Variants in MAJIN observed in about 807,000 individuals in gnomAD.
MAJIN encodes the protein membrane-anchored junction protein.
In MAJIN, 27 loss-of-function variants were observed where a neutral mutation model predicts 30.2. The observed-to-expected ratio is 0.89, with a 90% CI of 0.66 to 1.23. MAJIN has a LOEUF of 1.23. Ranked by LOEUF, MAJIN falls within the 50% of genes most tolerant of loss-of-function variation. The pLI is 0.00. For synonymous variants in MAJIN, 78 were observed against 91.6 expected (o/e 0.85, Z 0.85); for missense variants, 253 against 260.3 (o/e 0.97, Z 0.19).
At chr11:64,959,506 T>C (rs550954072) in intron 2 of MAJIN, 84 bp from the exon 3 acceptor site, 2 of 1,022,396 alleles carry the variant, frequency 2.0e-6, no homozygotes, top group East Asian at 2.5e-5. Flanking sequence ...ATCTGTAACA[T>C]CTCTTCATGA....
At chr11:64,965,814 G>C (rs1945797926) in intron 1 of MAJIN, among the ~76,000 whole-genome samples, 1 of 152,178 alleles carries the variant, frequency 6.6e-6, no homozygotes, top group Middle Eastern at 3.4e-3. Flanking sequence ...AAATTAGCCA[G>C]GCGTGGTGGC....
At chr11:64,947,735 A>C in intron 7 of MAJIN, 53 bp downstream of exon 7, 1 of 1,576,146 alleles carries the variant, frequency 6.3e-7, no homozygotes, top group South Asian at 1.1e-5. Flanking sequence ...ACTTTTTGGA[A>C]AAAAGAAGGT....
At chr11:64,970,271 G>T (rs1945877059) in intron 1 of MAJIN, among the ~76,000 whole-genome samples, 1 of 150,798 alleles carries the variant, frequency 6.6e-6, no homozygotes, top group African/African-American at 2.4e-5. Flanking sequence ...GCTGAGGCAG[G>T]AGCATCGCTT....
chr11:64,971,452 G>A (rs967406569), intron 1 of MAJIN, among the ~76,000 whole-genome samples: 2 of 150,660 alleles, frequency 1.3e-5, no homozygotes, highest in African/African-American at 2.4e-5. Flanking sequence ...AAAAAAGGAC[G>A]GAGGAAGTTG....
Position 64,967,165 on chromosome 11 carries a change from T to C in MAJIN, c.-65+4712A>G, listed in dbSNP as rs1945824960. ...GCTCATACCTGTAATCCCAGCACTT[T>C]GGGAGGCTGAGTCGGGCAGATCACT... On this transcript the variant is annotated intron_variant, in intron 1 of 10. Coordinates refer to ENST00000301896, the MANE Select transcript of MAJIN (RefSeq NM_001037225.3). Among the ~76,000 whole-genome samples, 3 of 151,818 alleles carry C rather than the reference T, an allele frequency of 2.0e-5. 1 individual carries two copies. The highest frequency in any genetic ancestry group is 4.2e-4 in the South Asian group (2 of 4,816).
At chr11:64,952,513 T>C (rs1328756725) in intron 4 of MAJIN, among the ~76,000 whole-genome samples, 1 of 151,944 alleles carries the variant, frequency 6.6e-6, no homozygotes, top group African/African-American at 2.4e-5. Flanking sequence ...TTAATTAATT[T>C]AACTCTCACA....
intron 2 of MAJIN, 87 bp from the exon 3 acceptor site, chr11:64,959,509 C>T (rs961322724): frequency 1.0e-6 from 1 of 994,252 alleles, no homozygotes; most frequent in African/African-American, 1.6e-5. Context: ...TGTAACATCT[C>T]TTCATGAGTA....
intron 1 of MAJIN, among the ~76,000 whole-genome samples, chr11:64,964,934 T>C (rs1254648319): frequency 1.3e-5 from 2 of 152,194 alleles, no homozygotes; most frequent in Admixed American, 1.3e-4. Flanking sequence ...ATTTTGGACA[T>C]AAAGGGTTAC....
chr11:64,962,794 G>A (rs995086981), intron 1 of MAJIN, among the ~76,000 whole-genome samples: 1 of 152,102 alleles, frequency 6.6e-6, no homozygotes, highest in Non-Finnish European at 1.5e-5. Flanking sequence ...TAGCACTTAC[G>A]ATAGATTTGA....
chr11:64,950,408 C>G lies in MAJIN; in HGVS notation c.170G>C (p.Gly57Ala), dbSNP rs1483747491. The change falls in exon 5 of 11, where the codon GGA (glycine) becomes GCA (alanine). Residue 57 changes from glycine to alanine, a missense_variant. Transcript: ENST00000301896. The part of the protein sequence containing the change: ...ELEDSVRVVL[G>A]NLDNLQPFAT... ...AAAGGGCTGAAGATTGTCCAAGTTT[C>G]CCAAGACCACGCGGACAGAATCCTG... 15 of 1,611,884 alleles carry G rather than the reference C, an allele frequency of 9.3e-6. No individual in the cohort carries two copies. The highest frequency in any genetic ancestry group is 1.2e-5 in the Non-Finnish European group (14 of 1,179,096).
At chr11:64,962,501 G>A (rs565443840) in intron 1 of MAJIN, among the ~76,000 whole-genome samples, 3 of 152,218 alleles carry the variant, frequency 2.0e-5, no homozygotes, top group South Asian at 2.1e-4. Flanking sequence ...GACTCTCCAC[G>A]CATTTTTAGG....
chr11:64,968,056 G>A (rs1474313977), intron 1 of MAJIN, among the ~76,000 whole-genome samples: 2 of 151,996 alleles, frequency 1.3e-5, no homozygotes, highest in South Asian at 2.1e-4. Context: ...ATCAGCAAGT[G>A]CAGATGTCTG....
Position 64,938,359 on chromosome 11 carries a change from T to C in MAJIN, c.*216A>G. On this transcript the variant is annotated 3_prime_UTR_variant, in exon 11 of 11. Coordinates refer to ENST00000301896, the MANE Select transcript of MAJIN (RefSeq NM_001037225.3). ...ATGTTTTAAATTGGGGGAAAAAATC[T>C]ATTATAAAGGGGCAAAGGACACGAT... 1 of 675,428 alleles carries C rather than the reference T, an allele frequency of 1.5e-6. No individual in the cohort carries two copies. The highest frequency in any genetic ancestry group is 2.4e-6 in the Non-Finnish European group (1 of 416,998). The allele number at this position is 675,428 out of a possible 1,614,324, so 41.8% of individuals were successfully genotyped here.
intron 4 of MAJIN, among the ~76,000 whole-genome samples, chr11:64,953,118 C>T (rs1299465057): frequency 6.6e-6 from 1 of 152,144 alleles, no homozygotes; most frequent in Admixed American, 6.6e-5. Flanking sequence ...ATATGACATA[C>T]GTTGAATGTA....
chr11:64,970,410 A>G (rs184868612), intron 1 of MAJIN, among the ~76,000 whole-genome samples: 76 of 105,944 alleles, frequency 7.2e-4, no homozygotes, highest in African/African-American at 2.7e-3. Context: ...TCTGTTGCCC[A>G]GGCTGGAGTG....
At chr11:64,959,093 CAAAA>C (rs34562472) in intron 3 of MAJIN, among the ~76,000 whole-genome samples, 28 of 53,584 alleles carry the variant, frequency 5.2e-4, no homozygotes, top group Non-Finnish European at 9.0e-4. Context: ...TGCTTCTCTT[CAAAA>C]AAAAAAAAAA....
intron 8 of MAJIN, among the ~76,000 whole-genome samples, chr11:64,942,280 T>A (rs1945390980): frequency 6.6e-6 from 1 of 152,030 alleles, no homozygotes; most frequent in Non-Finnish European, 1.5e-5. Context: ...TTTTTTAGAA[T>A]TTATTTTTTA....
chr11:64,970,222 G>A (rs1322856169), intron 1 of MAJIN, among the ~76,000 whole-genome samples: 1 of 151,536 alleles, frequency 6.6e-6, no homozygotes, highest in Non-Finnish European at 1.5e-5. Flanking sequence ...AATTAGCCAG[G>A]TGTGGTGGCA....
chr11:64,939,937 G>C (rs757120748), intron 9 of MAJIN, 170 bp from the exon 10 acceptor site: 4 of 551,610 alleles, frequency 7.3e-6, no homozygotes, highest in Non-Finnish European at 1.3e-5. Flanking sequence ...AGCTCAGTAA[G>C]ATGCTATTCT....
Sources: allele counts gnomAD v4.1 joint callset (sites outside exome capture counted in the v4.1 genomes callset), GRCh38; gene constraint gnomAD v4.1.1; transcripts MANE v1.5; gene names NCBI Gene and HGNC (gene_info 2026-07-23, HGNC 2026-07-21).